The following TENM2 variants were observed in gnomAD, a reference collection of about 807,000 sequenced individuals.
TENM2 encodes the protein teneurin-2.
In TENM2, 52 loss-of-function variants were observed where a neutral mutation model predicts 245.2. That is an observed-to-expected ratio of 0.21 (90% CI 0.17 to 0.27). The LOEUF is 0.27. Among genes scored for constraint, TENM2 ranks in the 10% least tolerant of loss-of-function variants. The pLI is 1.00. For synonymous variants in TENM2, 1,363 were observed against 1,438.9 expected (o/e 0.95, Z 1.19); for missense variants, 3,046 against 3,666.8 (o/e 0.83, Z 4.37).
intron 2 of TENM2, among the ~76,000 whole-genome samples, chr5:167,631,803 A>G (rs1484566199): frequency 6.6e-6 from 1 of 152,080 alleles, no homozygotes; most frequent in Non-Finnish European, 1.5e-5. Context: ...CCCTCAGGCA[A>G]GGCTAGGACA....
At chr5:167,399,191 G>A (rs1302825663) in intron 2 of TENM2, among the ~76,000 whole-genome samples, 1 of 152,114 alleles carries the variant, frequency 6.6e-6, no homozygotes. Context: ...TCAAGGAAAG[G>A]GAGTTAAATA....
chr5:167,431,958 T>C lies in TENM2; in HGVS notation c.502+56485T>C, dbSNP rs1168186290. 2.9e-4 allele frequency among the ~76,000 whole-genome samples: 16 copies of C among 55,398 alleles called. 1 individual carries two copies. The South Asian group carries it at 3.8e-3, about 13-fold the overall frequency. 36.3% of individuals were successfully genotyped at this position (55,398 alleles called of 152,430 possible). A position where few individuals can be genotyped will look rare whatever the true frequency, so the allele number is the denominator to read the frequency against. ...ATATATACATATATATGTATATATA[T>C]ATGTATATATATATATATATGGAAG... On this transcript the variant is annotated intron_variant, in intron 2 of 28. Coordinates refer to ENST00000518659, the Ensembl canonical transcript of TENM2.
chr5:167,598,422 A>T (rs922567975), intron 2 of TENM2, among the ~76,000 whole-genome samples: 1 of 151,898 alleles, frequency 6.6e-6, no homozygotes, highest in African/African-American at 2.4e-5. Context: ...CTGAAATCTC[A>T]AGGGGGACTA....
chr5:167,614,140 T>A (rs535197418), intron 2 of TENM2, among the ~76,000 whole-genome samples: 1 of 152,302 alleles, frequency 6.6e-6, no homozygotes, highest in South Asian at 2.1e-4. Context: ...TACACGCCGC[T>A]ACTCAACTGA....
chr5:167,340,405 C>A (rs1758025874), intron 1 of TENM2, among the ~76,000 whole-genome samples: 1 of 152,184 alleles, frequency 6.6e-6, no homozygotes, highest in Non-Finnish European at 1.5e-5. Flanking sequence ...TTTAACAGTT[C>A]TGGAAGTCCA....
rs549308297 is a variant in TENM2 at position 167,743,685 on chromosome 5, G to GTTC, written c.503-132298_503-132296dup. Among the ~76,000 whole-genome samples the GTTC allele has an allele frequency of 3.7e-4, 57 of 152,210 alleles. No homozygotes were observed. The East Asian group carries it at 0.01, about 28-fold the overall frequency. On this transcript the variant is annotated intron_variant, in intron 2 of 28. Coordinates refer to ENST00000518659, the Ensembl canonical transcript of TENM2. Reference sequence around the variant, plus strand: ...TCATTTTCTTTAAGGACACTATTATGTTCTTATTGACAAGACAAAAGAGTA... The same window carrying GTTC: ...TCATTTTCTTTAAGGACACTATTATGTTCTTCTTATTGACAAGACAAAAGAGTA...
the TENM2 span, among the ~76,000 whole-genome samples, chr5:167,135,298 G>A: frequency 6.6e-6 from 1 of 152,148 alleles, no homozygotes; most frequent in Non-Finnish European, 1.5e-5. Context: ...ACCTTTAAGT[G>A]AATTGCGCCC....
At chr5:167,742,797 A>C (rs1465335547) in intron 2 of TENM2, among the ~76,000 whole-genome samples, 4 of 151,328 alleles carry the variant, frequency 2.6e-5, no homozygotes, top group African/African-American at 7.3e-5. Context: ...AAAAAAAAAA[A>C]GAAAGAAAGA....
the TENM2 span, among the ~76,000 whole-genome samples, chr5:167,233,496 C>T: frequency 1.3e-5 from 2 of 152,110 alleles, no homozygotes; most frequent in Admixed American, 1.3e-4. Context: ...GTATTTTCAC[C>T]AGGTTTCAAC....
chr5:167,597,232 T>A (rs1203071737), intron 2 of TENM2, among the ~76,000 whole-genome samples: 1 of 149,374 alleles, frequency 6.7e-6, no homozygotes, highest in East Asian at 2.0e-4. Context: ...TGGCACAATC[T>A]GAGCTCACTG....
chr5:167,003,824 C>T, the TENM2 span, among the ~76,000 whole-genome samples: 8 of 152,230 alleles, frequency 5.3e-5, no homozygotes, highest in East Asian at 9.6e-4. Context: ...AAATGCTTTA[C>T]ATAACACATG....
chr5:167,178,632 G>A, the TENM2 span, among the ~76,000 whole-genome samples: 1 of 151,928 alleles, frequency 6.6e-6, no homozygotes, highest in African/African-American at 2.4e-5. Context: ...TTTTCAAAAC[G>A]AGATCTGGCG....
chr5:168,099,745 G>A (rs997016856), intron 9 of TENM2, among the ~76,000 whole-genome samples: 1 of 152,098 alleles, frequency 6.6e-6, no homozygotes, highest in Admixed American at 6.5e-5. Flanking sequence ...AAGATGTGAG[G>A]GTTCCAGGCT....
chr5:167,508,826 A>G (rs1256360402), intron 2 of TENM2, among the ~76,000 whole-genome samples: 2 of 152,106 alleles, frequency 1.3e-5, no homozygotes, highest in East Asian at 3.9e-4. Flanking sequence ...ATATCTTTTA[A>G]TATACATTTT....
At chr5:167,611,442 G>A (rs1426140244) in intron 2 of TENM2, among the ~76,000 whole-genome samples, 3 of 152,068 alleles carry the variant, frequency 2.0e-5, no homozygotes, top group African/African-American at 4.8e-5. Context: ...TGCCACAGAA[G>A]GAGGCTGCAT....
chr5:168,051,046 C>T (rs1046771923), intron 6 of TENM2, among the ~76,000 whole-genome samples: 10 of 152,136 alleles, frequency 6.6e-5, no homozygotes, highest in South Asian at 2.1e-4. Context: ...TTGAGAAAGA[C>T]GATTCAATAC....
chr5:168,109,655 G>A (rs945378742), intron 9 of TENM2, among the ~76,000 whole-genome samples: 4 of 152,202 alleles, frequency 2.6e-5, no homozygotes, highest in East Asian at 1.9e-4. Flanking sequence ...CAGGCCTCAC[G>A]CCAGACGTTC....
At chr5:167,897,736 A>T (rs1275650763) in intron 3 of TENM2, among the ~76,000 whole-genome samples, 3 of 152,204 alleles carry the variant, frequency 2.0e-5, no homozygotes, top group Non-Finnish European at 2.9e-5. Flanking sequence ...AGGTTTGTCA[A>T]AGGGTCCTTA....
At chr5:168,080,299 C>T (rs2152189004) in intron 7 of TENM2, among the ~76,000 whole-genome samples, 1 of 152,260 alleles carries the variant, frequency 6.6e-6, no homozygotes, top group South Asian at 2.1e-4. Flanking sequence ...TTTTGTATTG[C>T]ATCTATTTGA....
Sources: gnomAD v4.1 joint callset for allele counts (sites outside exome capture counted in the v4.1 genomes callset) on GRCh38, gnomAD v4.1.1 for gene constraint, MANE v1.5 for transcripts, NCBI Gene and HGNC (gene_info 2026-07-23, HGNC 2026-07-21) for gene names.